Variants in TMEM132D observed in about 807,000 individuals in gnomAD.
The protein encoded by TMEM132D is transmembrane protein 132D, also known as mature OL transmembrane protein.
In TMEM132D, 21 loss-of-function variants were observed where a neutral mutation model predicts 62.3. That is an observed-to-expected ratio of 0.34 (90% CI 0.24 to 0.49). The LOEUF (loss-of-function observed/expected upper bound fraction) is 0.49. Ranked by LOEUF, TMEM132D falls within the 20% of genes least tolerant of loss-of-function variation. TMEM132D has a pLI of 0.99. For synonymous variants in TMEM132D, 621 were observed against 575.6 expected, an observed-to-expected ratio of 1.08 and a Z score of -1.13; for missense variants, 1,346 against 1,402.8, an observed-to-expected ratio of 0.96 and a Z score of 0.65.
intron 1 of TMEM132D, among the ~76,000 whole-genome samples, chr12:129,723,424 G>T (rs1868915945): frequency 6.6e-6 from 1 of 152,176 alleles, no homozygotes; most frequent in Non-Finnish European, 1.5e-5. Flanking sequence ...CTCTATTGAT[G>T]CATCACCCAG....
chr12:129,330,571 A>T (rs191663791), intron 4 of TMEM132D, among the ~76,000 whole-genome samples: 113 of 152,330 alleles, frequency 7.4e-4, no homozygotes, highest in African/African-American at 2.4e-3. Context: ...TGAATGGGTT[A>T]TCATGGGAGT....
intron 3 of TMEM132D, among the ~76,000 whole-genome samples, chr12:129,465,678 G>A (rs1405529636): frequency 2.0e-5 from 3 of 152,132 alleles, no homozygotes; most frequent in Admixed American, 2.0e-4. Context: ...CCCAAATCAT[G>A]AGTGAACTCC....
intron 5 of TMEM132D, among the ~76,000 whole-genome samples, chr12:129,113,641 C>T (rs1471492255): frequency 6.6e-6 from 1 of 152,080 alleles, no homozygotes; most frequent in African/African-American, 2.4e-5. Flanking sequence ...GAGTTTGTAG[C>T]TGTAGACCCG....
intron 3 of TMEM132D, among the ~76,000 whole-genome samples, chr12:129,426,583 A>C (rs554654608): frequency 5.3e-5 from 8 of 152,152 alleles, no homozygotes; most frequent in African/African-American, 1.7e-4. Context: ...GGCTGAGCAC[A>C]CTCCCTCTCC....
intron 2 of TMEM132D, among the ~76,000 whole-genome samples, chr12:129,592,468 G>T (rs1798906667): frequency 6.6e-6 from 1 of 152,050 alleles, no homozygotes; most frequent in Non-Finnish European, 1.5e-5. Flanking sequence ...TCTTTCTTTG[G>T]CTCAACTTCT....
At chr12:129,415,263 G>A (rs1057002771) in intron 3 of TMEM132D, among the ~76,000 whole-genome samples, 1 of 152,056 alleles carries the variant, frequency 6.6e-6, no homozygotes, top group African/African-American at 2.4e-5. Flanking sequence ...TTTCTGTAAT[G>A]CCTGTACCAA....
chr12:129,385,840 C>T (rs1173643599), intron 3 of TMEM132D, among the ~76,000 whole-genome samples: 1 of 152,214 alleles, frequency 6.6e-6, no homozygotes, highest in African/African-American at 2.4e-5. Flanking sequence ...TTAACTTACT[C>T]TCCAGAGAAA....
At chr12:129,599,193 C>G (rs56674389) in intron 2 of TMEM132D, among the ~76,000 whole-genome samples, 4,332 of 152,296 alleles carry the variant, frequency 0.028, 80 homozygotes, top group Middle Eastern at 0.13. Context: ...ATGCTGAAAG[C>G]AGCACCACCT....
At chr12:129,459,212 G>A (rs553936626) in intron 3 of TMEM132D, among the ~76,000 whole-genome samples, 194 of 152,268 alleles carry the variant, frequency 1.3e-3, no homozygotes, top group African/African-American at 4.6e-3. Context: ...GTGAGGCCTG[G>A]TAATCGCTGG....
intron 1 of TMEM132D, among the ~76,000 whole-genome samples, chr12:129,709,057 C>A (rs12425640): frequency 0.017 from 2,542 of 152,250 alleles, 103 homozygotes; most frequent in East Asian, 0.13. Flanking sequence ...AAACGTCAAG[C>A]CAAGCTCAGA....
chr12:129,366,577 C>T (rs557267202), intron 3 of TMEM132D, among the ~76,000 whole-genome samples: 105 of 152,276 alleles, frequency 6.9e-4, no homozygotes, highest in Non-Finnish European at 1.2e-3. Context: ...ATAAATTGCC[C>T]AGTTTCAGGT....
chr12:129,531,048 T>A lies in TMEM132D; in HGVS notation c.1115+11A>T. ...CTGATCTGAATATATCGGAGGCCAG[T>A]TGGGACTCACCTGTTTTCTGAGCCA... is the stretch of plus-strand genomic sequence containing the variant. On this transcript the variant is annotated intron_variant, in intron 3 of 8. Transcript: ENST00000422113. 6.2e-7 allele frequency: 1 copy of A among 1,607,736 alleles called. No individual in the cohort carries two copies. Among genetic ancestry groups the A allele is most frequent in the Non-Finnish European group, 8.5e-7 (1 of 1,176,322 alleles).
intron 2 of TMEM132D, among the ~76,000 whole-genome samples, chr12:129,570,404 G>A (rs943552609): frequency 3.9e-5 from 6 of 152,146 alleles, no homozygotes; most frequent in African/African-American, 7.2e-5. Context: ...AAGGATTCGC[G>A]TGCAGAAAGC....
intron 4 of TMEM132D, among the ~76,000 whole-genome samples, chr12:129,306,150 C>T (rs1371386135): frequency 6.6e-6 from 1 of 152,170 alleles, no homozygotes; most frequent in Non-Finnish European, 1.5e-5. Flanking sequence ...TATAACCACA[C>T]TATAAACAAG....
At chr12:129,395,505 A>G (rs1454943442) in intron 3 of TMEM132D, among the ~76,000 whole-genome samples, 1 of 152,106 alleles carries the variant, frequency 6.6e-6, no homozygotes, top group Non-Finnish European at 1.5e-5. Context: ...TTGCACAAGG[A>G]CGTTCACTGC....
chr12:129,788,562 T>A (rs79735195), intron 1 of TMEM132D, among the ~76,000 whole-genome samples: 14,679 of 152,232 alleles, frequency 0.096, 941 homozygotes, highest in African/African-American at 0.18. Context: ...AACGTGGATG[T>A]CTCAAGTATT....
At chr12:129,823,614 G>C (rs994618689) in intron 1 of TMEM132D, among the ~76,000 whole-genome samples, 1 of 152,216 alleles carries the variant, frequency 6.6e-6, no homozygotes, top group African/African-American at 2.4e-5. Flanking sequence ...AGGGCCCAGG[G>C]AAGCAAAAGC....
intron 4 of TMEM132D, among the ~76,000 whole-genome samples, chr12:129,233,555 T>A (rs1448774495): frequency 6.6e-6 from 1 of 152,220 alleles, no homozygotes; most frequent in Non-Finnish European, 1.5e-5. Context: ...ATTATGTCAA[T>A]GTAACATGGA....
At position 129,131,941 on chromosome 12, in the gene TMEM132D, A is replaced by AGAT. The variant is rs201496231; in HGVS notation, c.1444-47242_1444-47240dup. Among the ~76,000 whole-genome samples the AGAT allele has an allele frequency of 7.6e-3, 1,164 of 152,346 alleles. 18 individuals carry two copies. Among genetic ancestry groups the AGAT allele is most frequent in the African/African-American group, 0.026 (1,088 of 41,582 alleles). ...ATAGGAGACCACAGGGTAAACTTTT[A>AGAT]GATAGGCTTGACTTGAAGGACTTTT... On this transcript the variant is annotated intron_variant, in intron 5 of 8. Coordinates refer to ENST00000422113, the MANE Select transcript of TMEM132D (RefSeq NM_133448.3).
Sources: allele counts gnomAD v4.1 joint callset (sites outside exome capture counted in the v4.1 genomes callset), GRCh38; gene constraint gnomAD v4.1.1; transcripts MANE v1.5; gene names NCBI Gene and HGNC (gene_info 2026-07-23, HGNC 2026-07-21).